Variants in TTC7B observed in about 807,000 individuals in gnomAD.
The protein encoded by TTC7B is tetratricopeptide repeat domain 7B.
TTC7B carries 28 observed loss-of-function variants against 106.8 expected under a neutral mutation model. That is an observed-to-expected ratio of 0.26 (90% CI 0.19 to 0.36). TTC7B has a LOEUF of 0.36. Among genes scored for constraint, TTC7B ranks in the 10% least tolerant of loss-of-function variants. TTC7B has a pLI of 1.00. For synonymous variants in TTC7B, 405 were observed against 430.6 expected (o/e 0.94, Z 0.74); for missense variants, 862 against 1,076.4 (o/e 0.80, Z 2.79).
Position 90,655,083 on chromosome 14 carries a change from T to C in TTC7B, c.1369A>G (p.Thr457Ala), listed in dbSNP as rs1436682858. 6.2e-7 allele frequency: 1 copy of C among 1,614,106 alleles called. No homozygotes were observed. The change falls in exon 12 of 20, where the codon ACT (threonine) becomes GCT (alanine). Residue 457 changes from threonine to alanine, a missense_variant. Coordinates refer to ENST00000328459, the MANE Select transcript of TTC7B (RefSeq NM_001010854.2). ...GTTTTCTCTCCCACATCAACGACAGTTTTGGCAAACTTTTCAGCCTCTTCC... is the reference window on the plus strand; with the variant it reads ...GTTTTCTCTCCCACATCAACGACAGCTTTGGCAAACTTTTCAGCCTCTTCC... ...WLEEAEKFAKTVVDVGEKTSE... is the reference protein window; with the variant it reads ...WLEEAEKFAKAVVDVGEKTSE...
intron 19 of TTC7B, among the ~76,000 whole-genome samples, chr14:90,550,612 G>A (rs146610038): frequency 3.7e-4 from 56 of 152,318 alleles, no homozygotes; most frequent in African/African-American, 1.3e-3. Flanking sequence ...TTCTGCAAAT[G>A]TATGAACCTA....
chr14:90,796,567 C>A (rs1236042822), intron 1 of TTC7B, among the ~76,000 whole-genome samples: 1 of 152,178 alleles, frequency 6.6e-6, no homozygotes, highest in East Asian at 1.9e-4. Flanking sequence ...GCCCTTCCTC[C>A]TAGTTCCTCC....
intron 5 of TTC7B, chr14:90,699,467 C>G: frequency 2.9e-6 from 1 of 340,834 alleles, no homozygotes; most frequent in Non-Finnish European, 5.7e-6. Context: ...ATCTTCAGAC[C>G]TCAAAATCTG....
intron 5 of TTC7B, among the ~76,000 whole-genome samples, chr14:90,712,898 T>A (rs1042473198): frequency 7.2e-5 from 11 of 152,152 alleles, no homozygotes; most frequent in African/African-American, 2.4e-4. Flanking sequence ...TTCAAGACAG[T>A]GTGGTATTGG....
chr14:90,563,589 T>A (rs1890675072), intron 19 of TTC7B, among the ~76,000 whole-genome samples: 1 of 152,146 alleles, frequency 6.6e-6, no homozygotes, highest in South Asian at 2.1e-4. Context: ...TTTCCTACAA[T>A]AAGACAACAG....
At chr14:90,597,174 T>C (rs1189748080) in intron 17 of TTC7B, among the ~76,000 whole-genome samples, 1 of 152,246 alleles carries the variant, frequency 6.6e-6, no homozygotes, top group African/African-American at 2.4e-5. Context: ...CTTCATATTC[T>C]GAACCAGGGA....
At chr14:90,670,377 T>G (rs1305373011) in intron 9 of TTC7B, among the ~76,000 whole-genome samples, 2 of 152,196 alleles carry the variant, frequency 1.3e-5, no homozygotes, top group African/African-American at 4.8e-5. Context: ...TATTGCTTGA[T>G]GGGTACAGAA....
chr14:90,549,299 G>A (rs763937791), intron 19 of TTC7B, among the ~76,000 whole-genome samples: 4 of 152,158 alleles, frequency 2.6e-5, no homozygotes, highest in Non-Finnish European at 5.9e-5. Context: ...CTTTTCCCAC[G>A]GCTCAGCGCC....
At chr14:90,544,503 G>T (rs182503000) in intron 19 of TTC7B, among the ~76,000 whole-genome samples, 8 of 152,234 alleles carry the variant, frequency 5.3e-5, no homozygotes, top group African/African-American at 1.9e-4. Flanking sequence ...TGGTGCTCTG[G>T]ACCACCTTGG....
intron 14 of TTC7B, among the ~76,000 whole-genome samples, chr14:90,646,582 A>G (rs879687474): frequency 2.0e-5 from 3 of 152,142 alleles, no homozygotes; most frequent in Non-Finnish European, 2.9e-5. Flanking sequence ...AATCCCCACC[A>G]TGCAGCTCAG....
At chr14:90,812,961 G>A (rs1246469854) in intron 1 of TTC7B, among the ~76,000 whole-genome samples, 1 of 152,218 alleles carries the variant, frequency 6.6e-6, no homozygotes, top group East Asian at 1.9e-4. Context: ...GCTGCTGGGT[G>A]GGGAAGCCCA....
intron 3 of TTC7B, 142 bp downstream of exon 3, chr14:90,780,596 G>A (rs1216139238): frequency 4.4e-6 from 4 of 902,026 alleles, no homozygotes; most frequent in African/African-American, 3.3e-5. Flanking sequence ...GACCCAGCAT[G>A]TGCTGCAGGG....
At chr14:90,594,545 G>T (rs1170402410) in intron 17 of TTC7B, among the ~76,000 whole-genome samples, 1 of 152,128 alleles carries the variant, frequency 6.6e-6, no homozygotes, top group Non-Finnish European at 1.5e-5. Context: ...CAAGAGAGCA[G>T]TTGTTTCAAA....
intron 1 of TTC7B, among the ~76,000 whole-genome samples, chr14:90,789,720 C>G (rs1891514679): frequency 6.6e-6 from 1 of 151,764 alleles, no homozygotes; most frequent in Non-Finnish European, 1.5e-5. Context: ...CACGGTGAAA[C>G]CCCGTCTCTA....
intron 6 of TTC7B, among the ~76,000 whole-genome samples, chr14:90,694,177 G>T (rs1445859787): frequency 2.0e-5 from 3 of 152,154 alleles, no homozygotes; most frequent in Non-Finnish European, 4.4e-5. Flanking sequence ...GGGGCAGGAG[G>T]CAATGAGCCA....
Position 90,619,060 on chromosome 14 carries a change from C to T in TTC7B, c.1752-1015G>A, listed in dbSNP as rs574218296. Among the ~76,000 whole-genome samples the T allele has an allele frequency of 3.4e-4, 52 of 152,310 alleles. 1 individual carries two copies. The highest frequency in any genetic ancestry group is 3.2e-3 in the Admixed American group (49 of 15,300). On this transcript the variant is annotated intron_variant, in intron 15 of 19. Transcript: ENST00000328459. ...CTGGGATTACAGGCATCCGCCACCA[C>T]GTCCGGCTAATTTTTGTATTTTTAG...
intron 7 of TTC7B, among the ~76,000 whole-genome samples, chr14:90,684,567 T>C (rs1410161038): frequency 6.6e-6 from 1 of 152,134 alleles, no homozygotes; most frequent in South Asian, 2.1e-4. Flanking sequence ...CACTGCTACA[T>C]GAAGAAATAT....
At chr14:90,782,365 G>A (rs147113604) in intron 2 of TTC7B, among the ~76,000 whole-genome samples, 43 of 152,306 alleles carry the variant, frequency 2.8e-4, no homozygotes, top group African/African-American at 8.9e-4. Context: ...TTGGGAGGCC[G>A]AGGCAGGCAG....
At chr14:90,684,884 C>G (rs1430359878) in intron 7 of TTC7B, among the ~76,000 whole-genome samples, 1 of 152,104 alleles carries the variant, frequency 6.6e-6, no homozygotes, top group Non-Finnish European at 1.5e-5. Context: ...TCCAAAAAAG[C>G]TTACTCTAAA....
Sources: allele counts gnomAD v4.1 joint callset (sites outside exome capture counted in the v4.1 genomes callset), GRCh38; gene constraint gnomAD v4.1.1; transcripts MANE v1.5; gene names NCBI Gene and HGNC (gene_info 2026-07-23, HGNC 2026-07-21).